RASGRP3: variants seen among roughly 807,000 people sequenced by gnomAD.
RASGRP3 encodes RAS guanyl releasing protein 3.
A neutral mutation model predicts 82.7 loss-of-function variants in RASGRP3; 54 were observed. The ratio of observed to expected loss-of-function variants is 0.65; its 90% CI spans 0.52 to 0.82. The LOEUF is 0.82. Ranked by LOEUF, RASGRP3 falls within the 40% of genes least tolerant of loss-of-function variation. RASGRP3 has a pLI of 0.00. For synonymous variants in RASGRP3, 309 were observed against 300.5 expected, an observed-to-expected ratio of 1.03 and a Z score of -0.29; for missense variants, 861 against 828.9, an observed-to-expected ratio of 1.04 and a Z score of -0.48.
intron 2 of RASGRP3, among the ~76,000 whole-genome samples, chr2:33,462,855 C>G (rs534167491): frequency 6.6e-6 from 1 of 152,178 alleles, no homozygotes; most frequent in South Asian, 2.1e-4. Context: ...TATACTAATG[C>G]TTGAATAGAA....
chr2:33,520,517 A>G, intron 5 of RASGRP3, 36 bp from the exon 6 acceptor site: 3 of 1,610,968 alleles, frequency 1.9e-6, no homozygotes, highest in Non-Finnish European at 1.7e-6. Flanking sequence ...CCAACTTGCA[A>G]TCTTCCAGCT....
intron 1 of RASGRP3, among the ~76,000 whole-genome samples, chr2:33,441,777 C>T (rs1665238145): frequency 1.3e-5 from 2 of 152,128 alleles, no homozygotes; most frequent in Admixed American, 1.3e-4. Flanking sequence ...TCAAAATACA[C>T]AATATATTTT....
intron 1 of RASGRP3, among the ~76,000 whole-genome samples, chr2:33,438,602 T>C (rs1665054379): frequency 6.6e-6 from 1 of 151,624 alleles, no homozygotes; most frequent in South Asian, 2.1e-4. Flanking sequence ...AAATGCCAGG[T>C]ATTTAAAATA....
intron 1 of RASGRP3, among the ~76,000 whole-genome samples, chr2:33,500,818 C>T (rs1287861623): frequency 6.6e-6 from 1 of 152,148 alleles, no homozygotes; most frequent in Non-Finnish European, 1.5e-5. Flanking sequence ...CCTGTAATCC[C>T]AGCTACTCAG....
intron 13 of RASGRP3, among the ~76,000 whole-genome samples, chr2:33,546,043 C>T (rs1377017696): frequency 6.6e-6 from 1 of 151,866 alleles, no homozygotes; most frequent in Non-Finnish European, 1.5e-5. Context: ...CTCCTGAACT[C>T]AGGTGATCCA....
chr2:33,507,870 A>C (rs1370750701), intron 1 of RASGRP3, among the ~76,000 whole-genome samples: 1 of 152,210 alleles, frequency 6.6e-6, no homozygotes, highest in African/African-American at 2.4e-5. Context: ...AGAATGGAGA[A>C]TAGATTGTAG....
chr2:33,555,692 A>G (rs112764723), intron 15 of RASGRP3, 125 bp downstream of exon 15: 5 of 815,476 alleles, frequency 6.1e-6, no homozygotes, highest in African/African-American at 1.7e-5. Flanking sequence ...GGTCAACGGC[A>G]ACTGAGAATG....
chr2:33,558,075 G>C, intron 15 of RASGRP3, 136 bp from the exon 16 acceptor site: 1 of 1,174,964 alleles, frequency 8.5e-7, no homozygotes, highest in Non-Finnish European at 1.2e-6. Context: ...CACACCCCAT[G>C]GGCCTGAGCT....
intron 5 of RASGRP3, among the ~76,000 whole-genome samples, chr2:33,520,225 G>A (rs149997838): frequency 6.2e-4 from 94 of 152,220 alleles, no homozygotes; most frequent in Non-Finnish European, 1.1e-3. Context: ...ATGTGATTAC[G>A]GAATGAAACT....
intron 1 of RASGRP3, among the ~76,000 whole-genome samples, chr2:33,447,413 G>A (rs1365302635): frequency 6.6e-6 from 1 of 151,470 alleles, no homozygotes; most frequent in Admixed American, 6.6e-5. Flanking sequence ...GCTACTCAAA[G>A]AGGTGCCCCA....
intron 2 of RASGRP3, among the ~76,000 whole-genome samples, chr2:33,462,672 C>T (rs1021423747): frequency 2.0e-5 from 3 of 152,198 alleles, no homozygotes; most frequent in South Asian, 2.1e-4. Context: ...GCCACTGCGC[C>T]GGCCAGATGT....
At chr2:33,447,067 C>G (rs928158547) in intron 1 of RASGRP3, among the ~76,000 whole-genome samples, 3 of 148,188 alleles carry the variant, frequency 2.0e-5, no homozygotes, top group African/African-American at 7.6e-5. Context: ...TGGCGTGAAC[C>G]TACACTCCAG....
intron 1 of RASGRP3, among the ~76,000 whole-genome samples, chr2:33,496,930 CA>C (rs1302255082): frequency 6.6e-6 from 1 of 152,110 alleles, no homozygotes; most frequent in Non-Finnish European, 1.5e-5. Context: ...TGCATGAAAG[CA>C]ATACGTTTTG....
chr2:33,539,535 C>G (rs1674022677), intron 12 of RASGRP3: 1 of 150,984 alleles, frequency 6.6e-6, no homozygotes, highest in African/African-American at 2.5e-5. Flanking sequence ...CCACATAGGT[C>G]CCACTAAGAT....
chr2:33,527,527 C>G (rs1672700023), intron 10 of RASGRP3, 115 bp downstream of exon 10: 2 of 1,100,768 alleles, frequency 1.8e-6, no homozygotes, highest in Non-Finnish European at 1.3e-6. Context: ...GTTTCAGAGT[C>G]AATAGATGAG....
intron 1 of RASGRP3, among the ~76,000 whole-genome samples, chr2:33,491,605 T>C (rs1427404496): frequency 6.6e-6 from 1 of 152,100 alleles, no homozygotes; most frequent in Non-Finnish European, 1.5e-5. Context: ...AGAGATTGCA[T>C]GTATTATCAG....
At chr2:33,520,793 G>C (rs1671956126) in intron 6 of RASGRP3, 109 bp downstream of exon 6, 2 of 1,454,408 alleles carry the variant, frequency 1.4e-6, no homozygotes, top group African/African-American at 2.8e-5. Flanking sequence ...ATCCAGGTTT[G>C]CTTCTGTGAG....
intron 2 of RASGRP3, among the ~76,000 whole-genome samples, chr2:33,468,892 A>G (rs1427946458): frequency 1.3e-5 from 2 of 152,190 alleles, no homozygotes; most frequent in Non-Finnish European, 2.9e-5. Flanking sequence ...CTGCTGAGTT[A>G]AAGGGTATTC....
intron 17 of RASGRP3, chr2:33,559,553 A>C: frequency 1.9e-6 from 1 of 513,658 alleles, no homozygotes; most frequent in Admixed American, 2.0e-5. Context: ...CTGCCTCCGC[A>C]TGAGCAAAAT....
Sources: allele counts gnomAD v4.1 joint callset (sites outside exome capture counted in the v4.1 genomes callset), GRCh38; gene constraint gnomAD v4.1.1; transcripts MANE v1.5; gene names NCBI Gene and HGNC (gene_info 2026-07-23, HGNC 2026-07-21).